Variants in KCNQ3 observed in about 807,000 individuals in gnomAD.
KCNQ3 encodes potassium voltage-gated channel subfamily Q member 3, also known as potassium voltage-gated channel subfamily KQT member 3.
In KCNQ3, 30 loss-of-function variants were observed where a neutral mutation model predicts 92.5. The observed-to-expected ratio is 0.32, with a 90% confidence interval of 0.24 to 0.44. KCNQ3 has a LOEUF of 0.44. Among genes scored for constraint, KCNQ3 ranks in the 20% least tolerant of loss-of-function variants. KCNQ3 has a pLI of 1.00. For synonymous variants in KCNQ3, 450 were observed against 468.8 expected (o/e 0.96, Z 0.52); for missense variants, 913 against 1,140.3 (o/e 0.80, Z 2.87).
intron 1 of KCNQ3, among the ~76,000 whole-genome samples, chr8:132,260,133 G>C (rs1367122636): frequency 6.6e-6 from 1 of 152,170 alleles, no homozygotes; most frequent in Non-Finnish European, 1.5e-5. Context: ...TACAAAAATT[G>C]AAAACCATGA....
At chr8:132,343,088 G>C (rs10087382) in intron 1 of KCNQ3, among the ~76,000 whole-genome samples, 78,768 of 152,060 alleles carry the variant, frequency 0.52, 21,993 homozygotes, top group African/African-American at 0.73. Context: ...CAACCCTGCT[G>C]TAACACTGAA....
chr8:132,268,537 G>T (rs1251057691), intron 1 of KCNQ3, among the ~76,000 whole-genome samples: 4 of 152,178 alleles, frequency 2.6e-5, no homozygotes, highest in South Asian at 4.1e-4. Context: ...GGGATTACAG[G>T]CATGAGCCAC....
intron 1 of KCNQ3, among the ~76,000 whole-genome samples, chr8:132,455,966 C>T (rs1481113625): frequency 1.3e-5 from 2 of 152,022 alleles, no homozygotes; most frequent in South Asian, 2.1e-4. Context: ...AGGATGGTCT[C>T]GATCTCCTGA....
At chr8:132,431,131 T>A (rs544242742) in intron 1 of KCNQ3, among the ~76,000 whole-genome samples, 30 of 152,180 alleles carry the variant, frequency 2.0e-4, no homozygotes, top group Middle Eastern at 3.4e-3. Flanking sequence ...CATCCCAGCC[T>A]CCTGGAGGCC....
chr8:132,160,067 A>C (rs1437114509), intron 9 of KCNQ3, among the ~76,000 whole-genome samples: 25 of 152,244 alleles, frequency 1.6e-4, no homozygotes, highest in Admixed American at 1.6e-3. Flanking sequence ...TCATGGGGAT[A>C]GAGACAGGGT....
intron 1 of KCNQ3, among the ~76,000 whole-genome samples, chr8:132,434,386 C>T (rs1821339247): frequency 1.3e-5 from 2 of 152,130 alleles, no homozygotes; most frequent in South Asian, 4.1e-4. Flanking sequence ...TATCACCTGC[C>T]TGCCACTCCT....
intron 1 of KCNQ3, among the ~76,000 whole-genome samples, chr8:132,246,975 A>G (rs952254253): frequency 6.6e-6 from 1 of 152,212 alleles, no homozygotes; most frequent in Non-Finnish European, 1.5e-5. Context: ...AGTACTTGCC[A>G]ATAGCCACTG....
chr8:132,211,952 CA>C (rs200457183), intron 1 of KCNQ3, among the ~76,000 whole-genome samples: 3,841 of 62,660 alleles, frequency 0.061, 67 homozygotes, highest in African/African-American at 0.11. Flanking sequence ...GACTCCATCT[CA>C]AAAAAAAAAA....
intron 1 of KCNQ3, among the ~76,000 whole-genome samples, chr8:132,288,770 A>C (rs1816753638): frequency 6.6e-6 from 1 of 152,152 alleles, no homozygotes; most frequent in African/African-American, 2.4e-5. Flanking sequence ...CAAAACTAAA[A>C]GCTGAACTGA....
At chr8:132,328,929 C>T (rs1184903990) in intron 1 of KCNQ3, among the ~76,000 whole-genome samples, 1 of 152,194 alleles carries the variant, frequency 6.6e-6, no homozygotes, top group Non-Finnish European at 1.5e-5. Flanking sequence ...CCACAGAGAC[C>T]TCCTGATAAT....
chr8:132,135,256 C>CT (rs1042284051), intron 12 of KCNQ3, among the ~76,000 whole-genome samples: 2 of 152,068 alleles, frequency 1.3e-5, no homozygotes, highest in African/African-American at 4.8e-5. Context: ...TGATCTTGTT[C>CT]TTTTTTATGG....
chr8:132,391,536 T>C (rs746676573), intron 1 of KCNQ3, among the ~76,000 whole-genome samples: 20 of 152,136 alleles, frequency 1.3e-4, no homozygotes, highest in Admixed American at 4.6e-4. Flanking sequence ...CAGGCTGAAC[T>C]GGATTTTGGG....
intron 1 of KCNQ3, among the ~76,000 whole-genome samples, chr8:132,195,463 C>T (rs1437546792): frequency 6.6e-6 from 1 of 152,224 alleles, no homozygotes; most frequent in African/African-American, 2.4e-5. Flanking sequence ...TTCAGTGCTA[C>T]TCAGCCCTCT....
intron 1 of KCNQ3, among the ~76,000 whole-genome samples, chr8:132,317,416 C>T (rs1241062045): frequency 6.6e-6 from 1 of 152,166 alleles, no homozygotes; most frequent in African/African-American, 2.4e-5. Context: ...ACTTTTAACT[C>T]TTTTTAAAAA....
At chr8:132,274,069 G>T (rs538007175) in intron 1 of KCNQ3, among the ~76,000 whole-genome samples, 6 of 152,022 alleles carry the variant, frequency 3.9e-5, no homozygotes, top group Admixed American at 1.3e-4. Flanking sequence ...ACATTTTCAG[G>T]TATCTTTTCA....
chr8:132,157,169 G>A (rs1228514483), intron 9 of KCNQ3, among the ~76,000 whole-genome samples: 2 of 152,166 alleles, frequency 1.3e-5, no homozygotes, highest in Non-Finnish European at 2.9e-5. Context: ...ATGAGGGCTT[G>A]GTGAATGTAC....
At chr8:132,229,176 C>A (rs916671454) in intron 1 of KCNQ3, among the ~76,000 whole-genome samples, 3 of 151,812 alleles carry the variant, frequency 2.0e-5, no homozygotes, top group African/African-American at 4.8e-5. Context: ...ATCACTTGAA[C>A]CCGGGAGGAA....
chr8:132,477,347 AT>A (rs1297633907), intron 1 of KCNQ3, among the ~76,000 whole-genome samples: 1,050 of 78,484 alleles, frequency 0.013, 7 homozygotes, highest in Middle Eastern at 0.023. Flanking sequence ...GTTCATTTTA[AT>A]TTAAAAAAAA....
chr8:132,234,104 T>C (rs1340757641), intron 1 of KCNQ3, among the ~76,000 whole-genome samples: 1 of 152,186 alleles, frequency 6.6e-6, no homozygotes, highest in African/African-American at 2.4e-5. Flanking sequence ...GGGTTATGTC[T>C]GTAGTTTTTT....
Sources: allele counts gnomAD v4.1 joint callset (sites outside exome capture counted in the v4.1 genomes callset), GRCh38; gene constraint gnomAD v4.1.1; transcripts MANE v1.5; gene names NCBI Gene and HGNC (gene_info 2026-07-23, HGNC 2026-07-21).